Variants in EPM2A observed in about 807,000 individuals in gnomAD.
EPM2A encodes the protein EPM2A glucan phosphatase, laforin.
EPM2A carries 21 observed loss-of-function variants against 26.5 expected under a neutral mutation model. The ratio of observed to expected loss-of-function variants is 0.79; its 90% CI spans 0.56 to 1.14. EPM2A has a LOEUF of 1.14. EPM2A is among the 50% of genes most tolerant of loss of function. The probability of loss-of-function intolerance (pLI) is 0.00; values close to 1 mark genes in which losing one functional copy is unlikely to be tolerated. For missense variants in EPM2A, 458 were observed against 440.8 expected, an observed-to-expected ratio of 1.04 and a Z score of -0.35; for synonymous variants, 217 against 177.6, an observed-to-expected ratio of 1.22 and a Z score of -1.76.
intron 4 of EPM2A, among the ~76,000 whole-genome samples, chr6:145,496,237 T>C (rs1779819523): frequency 6.6e-6 from 1 of 152,180 alleles, no homozygotes; most frequent in Admixed American, 6.5e-5. Flanking sequence ...CTTACTATTG[T>C]TTCTTTCATT....
chr6:145,682,939 T>C (rs1486539138), intron 2 of EPM2A, among the ~76,000 whole-genome samples: 2 of 152,212 alleles, frequency 1.3e-5, no homozygotes, highest in Non-Finnish European at 2.9e-5. Flanking sequence ...AATCTACCTG[T>C]CTGTATCTAT....
At chr6:145,489,558 A>G in intron 4 of EPM2A, 1 of 741,904 alleles carries the variant, frequency 1.3e-6, no homozygotes, top group Non-Finnish European at 2.2e-6. Flanking sequence ...TGTTAGCTTA[A>G]GGACAGTCAT....
At chr6:145,631,065 T>A (rs541071356) in intron 3 of EPM2A, 1 of 152,200 alleles carries the variant, frequency 6.6e-6, no homozygotes, top group Non-Finnish European at 1.5e-5. Flanking sequence ...TACCAGCCCA[T>A]GCTGCTGCTC....
In EPM2A at chr6:145,415,779, C is replaced by A. The variant is rs1002018507; in HGVS notation, c.556-31682G>T. Among the ~76,000 whole-genome samples the A allele has an allele frequency of 5.3e-5, 8 of 152,250 alleles. No individual in the cohort carries two copies. The South Asian group carries it at 8.3e-4, about 16-fold the overall frequency. On this transcript the variant is annotated intron_variant, in intron 4 of 4. Coordinates refer to the EPM2A transcript ENST00000638717. The stretch of plus-strand genomic sequence containing the variant: ...TTCAGAAACTGTAATAGCTCCTCTG[C>A]CTCCCACCAGCTTTGTTGCTGACAC...
chr6:145,400,042 T>C (rs1024903370), intron 4 of EPM2A, among the ~76,000 whole-genome samples: 1 of 152,184 alleles, frequency 6.6e-6, no homozygotes, highest in African/African-American at 2.4e-5. Flanking sequence ...TAAGGGTTGA[T>C]GAGTGCCTGC....
intron 4 of EPM2A, chr6:145,492,102 G>A (rs1779763328): frequency 8.2e-6 from 2 of 243,122 alleles, no homozygotes; most frequent in Admixed American, 5.5e-5. Flanking sequence ...TGGCCATCAG[G>A]TTGCCCTAGT....
chr6:145,420,843 AAGAG>A (rs1011196461), intron 4 of EPM2A, among the ~76,000 whole-genome samples: 5 of 151,284 alleles, frequency 3.3e-5, no homozygotes, highest in Non-Finnish European at 5.9e-5. Context: ...AATGCAAGAG[AAGAG>A]AGATAGAAAG....
chr6:145,646,850 C>T (rs991426603), intron 2 of EPM2A, among the ~76,000 whole-genome samples: 4 of 152,040 alleles, frequency 2.6e-5, no homozygotes, highest in Non-Finnish European at 5.9e-5. Context: ...CACCTACAAA[C>T]GTGCACGATT....
chr6:145,575,052 C>A (rs969974728), intron 2 of EPM2A, among the ~76,000 whole-genome samples: 2 of 152,088 alleles, frequency 1.3e-5, no homozygotes, highest in Non-Finnish European at 2.9e-5. Context: ...GCAGACAGAG[C>A]TGTTGGGGGT....
At chr6:145,562,090 A>G (rs1281701950) in intron 2 of EPM2A, among the ~76,000 whole-genome samples, 2 of 128,564 alleles carry the variant, frequency 1.6e-5, no homozygotes, top group Non-Finnish European at 3.6e-5. Context: ...TGAAGAAAAA[A>G]ATGCAAAAAA....
At chr6:145,510,653 A>G (rs538304016) in intron 2 of EPM2A, among the ~76,000 whole-genome samples, 2 of 152,240 alleles carry the variant, frequency 1.3e-5, no homozygotes, top group South Asian at 2.1e-4. Flanking sequence ...AGGATTTCAA[A>G]TGAACAAACT....
intron 1 of EPM2A, 55 bp downstream of exon 1, chr6:145,735,143 G>C: frequency 7.4e-7 from 1 of 1,358,908 alleles, no homozygotes; most frequent in Non-Finnish European, 9.9e-7. Context: ...CCCCGGTTGG[G>C]GGTGCGGGCC....
chr6:145,416,761 T>C (rs1438023409), intron 4 of EPM2A, among the ~76,000 whole-genome samples: 1 of 152,188 alleles, frequency 6.6e-6, no homozygotes, highest in African/African-American at 2.4e-5. Flanking sequence ...ACTTTTATTT[T>C]TATGTTATTA....
At chr6:145,432,026 T>C (rs1562332134) in intron 4 of EPM2A, among the ~76,000 whole-genome samples, 1 of 152,220 alleles carries the variant, frequency 6.6e-6, no homozygotes, top group Non-Finnish European at 1.5e-5. Context: ...ATCCCTTTTC[T>C]ATTCAAGTTT....
chr6:145,622,472 C>T (rs775011759), downstream of EPM2A, among the ~76,000 whole-genome samples: 1 of 152,150 alleles, frequency 6.6e-6, no homozygotes, highest in Non-Finnish European at 1.5e-5. Flanking sequence ...CAGAATGTGA[C>T]CTTATTCAGA....
chr6:145,477,379 A>G (rs531977661), intron 4 of EPM2A, among the ~76,000 whole-genome samples: 1 of 152,022 alleles, frequency 6.6e-6, no homozygotes, highest in Admixed American at 6.6e-5. Flanking sequence ...TCCTACTCAA[A>G]ATATTCCAAA....
At chr6:145,712,188 ATGG>A (rs1775370403) in intron 1 of EPM2A, among the ~76,000 whole-genome samples, 1 of 152,120 alleles carries the variant, frequency 6.6e-6, no homozygotes, top group Non-Finnish European at 1.5e-5. Context: ...GGGTGAGATG[ATGG>A]TGAAGATGAA....
At position 145,517,862 on chromosome 6, in the gene EPM2A, C is replaced by T. The variant is rs114272700; in HGVS notation, c.341-15287G>A. ...TTAAGTGGTAGCTCCAATAATATCACGTGCTACATTACCGTGATTAGACTT... is the reference window on the plus strand; with the variant it reads ...TTAAGTGGTAGCTCCAATAATATCATGTGCTACATTACCGTGATTAGACTT... On this transcript the variant is annotated intron_variant, in intron 2 of 3. Coordinates refer to the EPM2A transcript ENST00000450221. 5.0e-3 allele frequency among the ~76,000 whole-genome samples: 762 copies of T among 152,156 alleles called. 4 individuals carry two copies. The highest frequency in any genetic ancestry group is 0.018 in the African/African-American group (738 of 41,514).
At chr6:145,403,389 C>G (rs1363642000) in intron 4 of EPM2A, among the ~76,000 whole-genome samples, 2 of 151,580 alleles carry the variant, frequency 1.3e-5, no homozygotes, top group Middle Eastern at 3.4e-3. Flanking sequence ...ACCCCCTCCC[C>G]CCAACCACCA....
Sources: gnomAD v4.1 joint callset for allele counts (sites outside exome capture counted in the v4.1 genomes callset) on GRCh38, gnomAD v4.1.1 for gene constraint, MANE v1.5 for transcripts, NCBI Gene and HGNC (gene_info 2026-07-23, HGNC 2026-07-21) for gene names.